LAMC1: variants seen among roughly 807,000 people sequenced by gnomAD.
The protein encoded by LAMC1 is laminin subunit gamma 1.
Under a neutral mutation model 173.6 loss-of-function variants are expected in LAMC1, and 38 were observed. The ratio of observed to expected loss-of-function variants is 0.22; its 90% CI spans 0.17 to 0.29. LAMC1 has a LOEUF of 0.29. LAMC1 is among the 10% of genes least tolerant of loss of function. The pLI, the probability that LAMC1 is intolerant of heterozygous loss-of-function variation, is 1.00. For synonymous variants in LAMC1, 746 were observed against 749.1 expected (o/e 1.00, Z 0.07); for missense variants, 1,824 against 2,051.8 (o/e 0.89, Z 2.14).
intron 1 of LAMC1, among the ~76,000 whole-genome samples, chr1:183,048,645 C>T (rs1322655740): frequency 6.6e-6 from 1 of 152,088 alleles, no homozygotes; most frequent in Non-Finnish European, 1.5e-5. Flanking sequence ...TGTACACCAC[C>T]CACCCCACTT....
intron 24 of LAMC1, 56 bp from the exon 25 acceptor site, chr1:183,136,330 G>A: frequency 1.4e-6 from 2 of 1,476,992 alleles, no homozygotes; most frequent in Admixed American, 3.4e-5. Context: ...TCCCTGAAAG[G>A]CCCCCTTTTT....
chr1:183,038,857 C>T (rs1457533200), intron 1 of LAMC1, among the ~76,000 whole-genome samples: 2 of 151,764 alleles, frequency 1.3e-5, no homozygotes, highest in South Asian at 2.1e-4. Context: ...CAGAGACATC[C>T]GTGGACTCTG....
chr1:183,027,917 C>T (rs1328579529), intron 1 of LAMC1, among the ~76,000 whole-genome samples: 1 of 152,112 alleles, frequency 6.6e-6, no homozygotes, highest in East Asian at 1.9e-4. Context: ...CCTGAGGGGA[C>T]ACTATTTTAG....
intron 1 of LAMC1, among the ~76,000 whole-genome samples, chr1:183,103,092 A>G (rs898872316): frequency 6.6e-6 from 1 of 152,224 alleles, no homozygotes; most frequent in African/African-American, 2.4e-5. Context: ...ATTGCACACA[A>G]CATTTCCACA....
At chr1:183,034,531 A>C (rs1653926681) in intron 1 of LAMC1, among the ~76,000 whole-genome samples, 1 of 152,202 alleles carries the variant, frequency 6.6e-6, no homozygotes, top group Non-Finnish European at 1.5e-5. Flanking sequence ...TCGGCCTCCC[A>C]AAGTGCTGGG....
chr1:183,103,143 C>A (rs1398578466), intron 1 of LAMC1, among the ~76,000 whole-genome samples, 185 bp from the exon 2 acceptor site: 3 of 152,100 alleles, frequency 2.0e-5, no homozygotes, highest in Non-Finnish European at 4.4e-5. Context: ...ACTTATGGAC[C>A]CAACTGCAGT....
chr1:183,050,806 G>A (rs1304745879), intron 1 of LAMC1, among the ~76,000 whole-genome samples: 1 of 148,106 alleles, frequency 6.8e-6, no homozygotes, highest in African/African-American at 2.5e-5. Flanking sequence ...CAGGAGAATC[G>A]CTTGAACCTG....
chr1:183,117,426 G>T lies in LAMC1; in HGVS notation c.1671G>T (p.Arg557=), dbSNP rs1377884147. 2.5e-6 allele frequency: 4 copies of T among 1,613,608 alleles called. No individual in the cohort carries two copies. The highest frequency in any genetic ancestry group is 3.4e-6 in the Non-Finnish European group (4 of 1,179,596). Residue 557 remains arginine (R), a synonymous_variant, in exon 9 of 28, where the codon CGG becomes CGT. Coordinates refer to ENST00000258341, the MANE Select transcript of LAMC1 (RefSeq NM_002293.4). ...TGATCTCAGACAGCTACTTTCCTCGGTACTTCATTGCTCCTGGTAAGTAAG... is the reference window on the plus strand; with the variant it reads ...TGATCTCAGACAGCTACTTTCCTCGTTACTTCATTGCTCCTGGTAAGTAAG... The part of the protein sequence containing the change: ...IAVISDSYFP[R]YFIAPAKFLG...
At chr1:183,101,604 G>A (rs1033668904) in intron 1 of LAMC1, among the ~76,000 whole-genome samples, 10 of 151,652 alleles carry the variant, frequency 6.6e-5, no homozygotes, top group African/African-American at 2.4e-4. Context: ...TTTACAATTA[G>A]TCAAGTATGT....
chr1:183,136,661 C>T (rs1232500258), intron 25 of LAMC1, 76 bp downstream of exon 25: 4 of 1,263,380 alleles, frequency 3.2e-6, no homozygotes, highest in African/African-American at 3.0e-5. Flanking sequence ...TCCAGACCCT[C>T]AGAGCCCTTG....
chr1:183,123,981 G>T (rs1656551028), intron 13 of LAMC1, among the ~76,000 whole-genome samples: 1 of 152,236 alleles, frequency 6.6e-6, no homozygotes, highest in Admixed American at 6.5e-5. Flanking sequence ...GAGGAGCAGT[G>T]AGTAGTAGAG....
At chr1:183,039,180 A>G (rs139787233) in intron 1 of LAMC1, among the ~76,000 whole-genome samples, 1 of 150,068 alleles carries the variant, frequency 6.7e-6, no homozygotes, top group East Asian at 2.0e-4. Flanking sequence ...TCATGATCTG[A>G]TAGAGCTGAG....
rs756862708 is a variant in LAMC1, at chr1:183,132,458, A to G, written c.3625A>G (p.Thr1209Ala). Residue 1209 changes from threonine to alanine, a missense_variant, in exon 21 of 28, where the codon ACT becomes GCT. Coordinates refer to ENST00000258341, the MANE Select transcript of LAMC1 (RefSeq NM_002293.4). ...RVAKTANDTS[T>A]EAYNLLLRTL... is the part of the protein sequence containing the mutation. The stretch of plus-strand genomic sequence containing the variant: ...GGCAAAGACAGCCAATGATACGTCA[A>G]CTGAGGCATACAACCTGCTTCTGAG... The G allele has an allele frequency of 3.3e-5, 53 of 1,613,282 alleles. No individual in the cohort carries two copies. The highest frequency in any genetic ancestry group is 4.2e-5 in the Non-Finnish European group (50 of 1,179,306).
At position 183,134,946 on chromosome 1, in the gene LAMC1, A is replaced by G. The variant is rs1571465340; in HGVS notation, c.4000-96A>G. ...CAGCCTAACAGATTTTATGCTGGCAAGTCTCAGGGTGGCACCTCTGGAGAG... is the reference window on the plus strand; with the variant it reads ...CAGCCTAACAGATTTTATGCTGGCAGGTCTCAGGGTGGCACCTCTGGAGAG... On this transcript the variant is annotated intron_variant, in intron 23 of 27. Coordinates refer to ENST00000258341, the MANE Select transcript of LAMC1 (RefSeq NM_002293.4). 2.2e-6 allele frequency: 3 copies of G among 1,335,856 alleles called. No homozygotes were observed. In the East Asian group the frequency reaches 6.9e-5, roughly 31 times the overall value. 82.8% of individuals were successfully genotyped at this position (1,335,856 alleles called of 1,614,324 possible).
At chr1:183,112,148 T>A (rs1558051642) in intron 4 of LAMC1, among the ~76,000 whole-genome samples, 2 of 152,202 alleles carry the variant, frequency 1.3e-5, no homozygotes. Flanking sequence ...TTCTTATTCA[T>A]CTTTTCAACA....
chr1:183,101,438 C>T (rs1342013791), intron 1 of LAMC1, among the ~76,000 whole-genome samples: 3 of 150,466 alleles, frequency 2.0e-5, no homozygotes, highest in Non-Finnish European at 4.4e-5. Context: ...AGGCAAAATG[C>T]ACTGCATCCT....
intron 22 of LAMC1, among the ~76,000 whole-genome samples, chr1:183,134,227 C>A (rs569717259): frequency 6.6e-6 from 1 of 152,056 alleles, no homozygotes. Context: ...TTGATTTTTA[C>A]CATAAAGGTT....
In LAMC1 at chr1:183,132,380, TTTTTG is replaced by T. The variant is rs66781233; in HGVS notation, c.3567-15_3567-11del. ...ATCAGATGGTTGTTTCATGGCTTAT[TTTTTG>T]TTTTATCTGTATAGTCATAAACAGG... On this transcript the variant is annotated splice_polypyrimidine_tract_variant and intron_variant, in intron 20 of 27. Transcript: ENST00000258341. The T allele has an allele frequency of 5.1e-3, 8,169 of 1,591,044 alleles. 286 individuals are homozygous for T. In the African/African-American group the frequency reaches 0.085, roughly 17 times the overall value.
In LAMC1 at chr1:183,105,224, C is replaced by CAAA. The variant is rs35512159; in HGVS notation, c.723+1612_723+1614dup. Among the ~76,000 whole-genome samples the CAAA allele has an allele frequency of 2.8e-3, 116 of 42,152 alleles. 2 individuals carry two copies. Among genetic ancestry groups the CAAA allele is most frequent in the African/African-American group, 5.6e-3 (63 of 11,194 alleles). The allele number at this position is 42,152 out of a possible 152,430, so 27.7% of individuals were successfully genotyped here. ...TGGGCAACAGAGTGAGACTCCATCT[C>CAAA]AAAAAAAAAAAAAAAAAAAAAAGAA... On this transcript the variant is annotated intron_variant, in intron 2 of 27. Coordinates refer to ENST00000258341, the MANE Select transcript of LAMC1 (RefSeq NM_002293.4).
Sources: allele counts gnomAD v4.1 joint callset (sites outside exome capture counted in the v4.1 genomes callset), GRCh38; gene constraint gnomAD v4.1.1; transcripts MANE v1.5; gene names NCBI Gene and HGNC (gene_info 2026-07-23, HGNC 2026-07-21).